Variants in SLC9B2 observed in about 807,000 individuals in gnomAD.
SLC9B2 encodes sodium/hydrogen exchanger 9B2.
SLC9B2 carries 39 observed loss-of-function variants against 52.2 expected under a neutral mutation model. The observed-to-expected ratio is 0.75, with a 90% confidence interval of 0.58 to 0.98. The LOEUF (loss-of-function observed/expected upper bound fraction) is 0.98, where lower values mean the gene tolerates loss of function less well. Among genes scored for constraint, SLC9B2 ranks in the 50% least tolerant of loss-of-function variants. The pLI is 0.00. For synonymous variants in SLC9B2, 214 were observed against 227.0 expected, an observed-to-expected ratio of 0.94 and a Z score of 0.51; for missense variants, 626 against 637.5, an observed-to-expected ratio of 0.98 and a Z score of 0.19.
chr4:103,058,089 T>C, intron 3 of SLC9B2, 118 bp from the exon 4 acceptor site: 1 of 953,412 alleles, frequency 1.0e-6, no homozygotes, highest in Non-Finnish European at 1.6e-6. Flanking sequence ...TTTATAATCA[T>C]GTTTAATCTG....
At chr4:103,028,696 G>T in intron 11 of SLC9B2, 51 bp downstream of exon 11, 1 of 1,540,472 alleles carries the variant, frequency 6.5e-7, no homozygotes, top group Admixed American at 2.3e-5. Context: ...ATATTTCAAG[G>T]TGTCATGCAG....
At chr4:103,027,727 G>A (rs1742350375) in intron 11 of SLC9B2, among the ~76,000 whole-genome samples, 1 of 152,236 alleles carries the variant, frequency 6.6e-6, no homozygotes, top group East Asian at 1.9e-4. Context: ...CTGGAGTTTG[G>A]CTGGTCACAT....
chr4:103,073,451 T>C (rs564992970), intron 1 of SLC9B2, among the ~76,000 whole-genome samples: 31 of 152,324 alleles, frequency 2.0e-4, no homozygotes, highest in African/African-American at 7.5e-4. Flanking sequence ...AAAGGAGCCC[T>C]ACCCAGCAAT....
intron 1 of SLC9B2, among the ~76,000 whole-genome samples, chr4:103,075,771 T>A (rs569937893): frequency 1.3e-5 from 2 of 152,238 alleles, no homozygotes; most frequent in South Asian, 4.2e-4. Context: ...GGTTCCTGAA[T>A]AATTGAGTAG....
chr4:103,041,793 G>T (rs1360473971), intron 9 of SLC9B2, among the ~76,000 whole-genome samples: 1 of 152,002 alleles, frequency 6.6e-6, no homozygotes, highest in Non-Finnish European at 1.5e-5. Context: ...AACTCACCTT[G>T]GAGTCAAATT....
At chr4:103,055,990 G>A (rs757034931) in intron 4 of SLC9B2, among the ~76,000 whole-genome samples, 10 of 151,804 alleles carry the variant, frequency 6.6e-5, no homozygotes, top group Non-Finnish European at 1.3e-4. Context: ...ATTTTTAGTA[G>A]AGACGGGATT....
In SLC9B2 at chr4:103,025,116, C is replaced by T. The variant is rs912281324; in HGVS notation, c.*1254G>A. Among the ~76,000 whole-genome samples the T allele has an allele frequency of 6.6e-6, 1 of 152,074 alleles. No homozygotes were observed. Among genetic ancestry groups the T allele is most frequent in the Non-Finnish European group, 1.5e-5 (1 of 68,016 alleles). On this transcript the variant is annotated 3_prime_UTR_variant, in exon 12 of 12. Transcript: ENST00000394785. ...AGACAACACTTAGCTGCCTCACAGCCGGATATGATCAATACCAATAAATGT... is the reference window on the plus strand; with the variant it reads ...AGACAACACTTAGCTGCCTCACAGCTGGATATGATCAATACCAATAAATGT...
intron 7 of SLC9B2, among the ~76,000 whole-genome samples, chr4:103,045,268 A>T (rs1047621277): frequency 1.2e-4 from 18 of 152,156 alleles, no homozygotes; most frequent in African/African-American, 3.9e-4. Flanking sequence ...TTCTTCACAG[A>T]CTGTCCTAAG....
intron 4 of SLC9B2, among the ~76,000 whole-genome samples, chr4:103,052,700 G>T (rs987698898): frequency 6.6e-6 from 1 of 151,806 alleles, no homozygotes; most frequent in Admixed American, 6.6e-5. Flanking sequence ...TTTGTTTTGG[G>T]GGATATGAGG....
intron 9 of SLC9B2, among the ~76,000 whole-genome samples, chr4:103,037,736 A>G (rs560680312): frequency 2.0e-5 from 3 of 152,314 alleles, no homozygotes. Flanking sequence ...ATTAGATAAC[A>G]TCTAAGATCA....
At chr4:103,046,839 C>T (rs1256913560) in intron 7 of SLC9B2, among the ~76,000 whole-genome samples, 1 of 152,146 alleles carries the variant, frequency 6.6e-6, no homozygotes, top group African/African-American at 2.4e-5. Flanking sequence ...CGTACTGCAC[C>T]TACTGCATGC....
rs1212564155 is a variant in SLC9B2 at position 103,025,616 on chromosome 4, A to C, written c.*754T>G. 6.6e-6 allele frequency: 1 copy of C among 152,102 alleles called. No individual in the cohort carries two copies. Among genetic ancestry groups the C allele is most frequent in the Non-Finnish European group, 1.5e-5 (1 of 68,018 alleles). The allele number at this position is 152,102 out of a possible 1,614,324, so 9.4% of individuals were successfully genotyped here. A position where few individuals can be genotyped will look rare whatever the true frequency, so the allele number is the denominator to read the frequency against. ...TAGATTTGAAACTTACCTATCTCCC[A>C]CCTAGAAATGGGAAGAGCCTAAAGA... On this transcript the variant is annotated 3_prime_UTR_variant, in exon 12 of 12. Coordinates refer to ENST00000394785, the MANE Select transcript of SLC9B2 (RefSeq NM_178833.7).
downstream of SLC9B2, among the ~76,000 whole-genome samples, chr4:103,018,148 T>G (rs1342903151): frequency 6.6e-6 from 1 of 152,208 alleles, no homozygotes. Context: ...CAGAAGTGTT[T>G]AAACAGGATG....
chr4:103,059,256 C>T (rs1745424931), intron 3 of SLC9B2, among the ~76,000 whole-genome samples: 1 of 152,112 alleles, frequency 6.6e-6, no homozygotes, highest in Non-Finnish European at 1.5e-5. Flanking sequence ...CATTTGTGTC[C>T]CATACAGGCA....
chr4:103,042,913 T>C (rs1465105223), intron 9 of SLC9B2, among the ~76,000 whole-genome samples: 1 of 152,062 alleles, frequency 6.6e-6, no homozygotes, highest in Non-Finnish European at 1.5e-5. Context: ...TGGTGTCATA[T>C]AAAATAATTG....
At chr4:103,028,723 G>A (rs1331132353) in intron 11 of SLC9B2, 24 bp downstream of exon 11, 19 of 1,584,762 alleles carry the variant, frequency 1.2e-5, no homozygotes, top group African/African-American at 1.4e-5. Context: ...CAGTTAAAAT[G>A]CTAAGCCATC....
At chr4:103,046,921 C>T (rs1047200070) in intron 7 of SLC9B2, 130 bp downstream of exon 7, 74 of 1,084,626 alleles carry the variant, frequency 6.8e-5, no homozygotes, top group Admixed American at 3.8e-4. Context: ...AGGTACAGAA[C>T]TCTTAGTGTT....
chr4:103,022,902 T>C lies in SLC9B2; in HGVS notation c.*3468A>G, dbSNP rs1741898124. Among the ~76,000 whole-genome samples, 1 of 152,168 alleles carries C rather than the reference T, an allele frequency of 6.6e-6. No homozygotes were observed. Among genetic ancestry groups the C allele is most frequent in the Non-Finnish European group, 1.5e-5 (1 of 68,020 alleles). On this transcript the variant is annotated 3_prime_UTR_variant, in exon 12 of 12. Coordinates refer to ENST00000394785, the MANE Select transcript of SLC9B2 (RefSeq NM_178833.7). ...GAGACACCAGAGAGCTTGCTTGCTC[T>C]CTCTCGGCATCAAGTGATGACACAT...
chr4:103,037,308 C>T (rs968377433), intron 9 of SLC9B2, among the ~76,000 whole-genome samples: 7 of 152,110 alleles, frequency 4.6e-5, no homozygotes, highest in East Asian at 3.8e-4. Context: ...CAGAAATATG[C>T]GTTAGGAACT....
Sources: allele counts gnomAD v4.1 joint callset (sites outside exome capture counted in the v4.1 genomes callset), GRCh38; gene constraint gnomAD v4.1.1; transcripts MANE v1.5; gene names NCBI Gene and HGNC (gene_info 2026-07-23, HGNC 2026-07-21).